The following CLIP1 variants were observed in gnomAD, a reference collection of about 807,000 sequenced individuals.
The protein encoded by CLIP1 is CAP-Gly domain-containing linker protein 1.
In CLIP1, 66 loss-of-function variants were observed where a neutral mutation model predicts 161.6. The ratio of observed to expected loss-of-function variants is 0.41; its 90% CI spans 0.33 to 0.50. CLIP1 has a LOEUF of 0.50. Ranked by LOEUF, CLIP1 falls within the 20% of genes least tolerant of loss-of-function variation. CLIP1 has a pLI of 0.27. For synonymous variants in CLIP1, 598 were observed against 626.2 expected (o/e 0.96, Z 0.67); for missense variants, 1,376 against 1,702.0 (o/e 0.81, Z 3.37).
Position 122,311,916 on chromosome 12 carries a change from C to T in CLIP1, c.3474-2034G>A, listed in dbSNP as rs2136530569. Among the ~76,000 whole-genome samples the T allele has an allele frequency of 6.6e-6, 1 of 152,288 alleles. No individual in the cohort carries two copies. Among genetic ancestry groups the T allele is most frequent in the East Asian group, 1.9e-4 (1 of 5,188 alleles). ...AACAGGAGCTACAGCTGGCAGATGACTTCAGTCGTGGTTCAGATATAGAGC... is the reference window on the plus strand; with the variant it reads ...AACAGGAGCTACAGCTGGCAGATGATTTCAGTCGTGGTTCAGATATAGAGC... On this transcript the variant is annotated intron_variant, in intron 19 of 25. Coordinates refer to ENST00000620786, the MANE Select transcript of CLIP1 (RefSeq NM_001247997.2). The surrounding 1 kb of genome is among the most constrained non-coding windows in gnomAD (Gnocchi z 4.3).
chr12:122,373,377 T>G (rs1954550404), intron 3 of CLIP1, among the ~76,000 whole-genome samples: 1 of 150,700 alleles, frequency 6.6e-6, no homozygotes, highest in African/African-American at 2.4e-5. Context: ...GAGCCAAGAT[T>G]GCGCCACTGC....
intron 5 of CLIP1, among the ~76,000 whole-genome samples, chr12:122,358,621 T>G (rs1020802406): frequency 2.0e-5 from 3 of 152,180 alleles, no homozygotes; most frequent in Middle Eastern, 3.4e-3. Context: ...AGTTTTCTCA[T>G]CTGTAAATTG....
In CLIP1 at chr12:122,379,289, C is replaced by T. The variant is rs1236953464; in HGVS notation, c.85+1079G>A. Reference sequence around the variant, plus strand: ...AGCCACTGCATTCCAGCCTTGATAACAGAACAATACAGCATCTCAAAAAAA... The same window carrying T: ...AGCCACTGCATTCCAGCCTTGATAATAGAACAATACAGCATCTCAAAAAAA... On this transcript the variant is annotated intron_variant, in intron 2 of 25. Transcript: ENST00000620786. Among the ~76,000 whole-genome samples, 6 of 145,102 alleles carry T rather than the reference C, an allele frequency of 4.1e-5. No individual in the cohort carries two copies. The East Asian group carries it at 1.3e-3, about 30-fold the overall frequency.
intron 11 of CLIP1, among the ~76,000 whole-genome samples, chr12:122,340,498 G>A (rs1280470951): frequency 6.6e-6 from 1 of 152,192 alleles, no homozygotes; most frequent in East Asian, 1.9e-4. Context: ...ATAGCCCAGA[G>A]ATAAATAGAT....
At chr12:122,384,536 C>A (rs1414383928) in intron 1 of CLIP1, among the ~76,000 whole-genome samples, 1 of 151,900 alleles carries the variant, frequency 6.6e-6, no homozygotes, top group African/African-American at 2.4e-5. Flanking sequence ...CTGAGGTGGG[C>A]GGATCACCTG....
At chr12:122,328,914 C>G (rs921075578) in intron 15 of CLIP1, among the ~76,000 whole-genome samples, 1 of 152,142 alleles carries the variant, frequency 6.6e-6, no homozygotes, top group Admixed American at 6.5e-5. Context: ...CCTAAATAAT[C>G]ATTTTACCAG....
chr12:122,401,399 C>T (rs1956137012), intron 1 of CLIP1, among the ~76,000 whole-genome samples: 1 of 152,146 alleles, frequency 6.6e-6, no homozygotes, highest in Non-Finnish European at 1.5e-5. Flanking sequence ...GGTCAATGGG[C>T]CGGGCACGGT....
intron 24 of CLIP1, chr12:122,275,635 C>A (rs1159329344): frequency 2.1e-5 from 2 of 97,070 alleles, no homozygotes; most frequent in African/African-American, 3.9e-5. Context: ...TACACACACA[C>A]ACACACGCGC....
intron 5 of CLIP1, among the ~76,000 whole-genome samples, chr12:122,357,170 C>A (rs1196015493): frequency 6.6e-6 from 1 of 151,584 alleles, no homozygotes; most frequent in Non-Finnish European, 1.5e-5. Context: ...TCTTCCCGGC[C>A]GCCGTCCCAT....
chr12:122,330,597 G>GTTTTTTTTTTTTTTTTTTTTTT lies in CLIP1; in HGVS notation c.2868-2172_2868-2171insAAAAAAAAAAAAAAAAAAAAAA, dbSNP rs71082966. On this transcript the variant is annotated intron_variant, in intron 15 of 25. Transcript: ENST00000620786. The stretch of plus-strand genomic sequence containing the variant: ...TTCAGCACTGAAGAAGTATAATGCA[G>GTTTTTTTTTTTTTTTTTTTTTT]TTTTTTTTTTTTTTTTTTTTGAGAT... 2.3e-4 allele frequency among the ~76,000 whole-genome samples: 23 copies of GTTTTTTTTTTTTTTTTTTTTTT among 101,378 alleles called. 1 individual carries two copies. Among genetic ancestry groups the GTTTTTTTTTTTTTTTTTTTTTT allele is most frequent in the African/African-American group, 8.8e-4 (20 of 22,778 alleles). The allele number at this position is 101,378 out of a possible 152,430, so 66.5% of individuals were successfully genotyped here. A position where few individuals can be genotyped will look rare whatever the true frequency, so the allele number is the denominator to read the frequency against.
chr12:122,316,662 C>G (rs1302334017), intron 19 of CLIP1, 87 bp downstream of exon 19: 26 of 844,378 alleles, frequency 3.1e-5, no homozygotes, highest in Non-Finnish European at 3.6e-6. Context: ...ATGTACTTCT[C>G]AAATAATTTT....
At chr12:122,276,405 C>A in intron 24 of CLIP1, 3 of 1,287,788 alleles carry the variant, frequency 2.3e-6, no homozygotes, top group Non-Finnish European at 3.0e-6. Flanking sequence ...CACACACACA[C>A]GTGTGCACGC....
At chr12:122,273,284 C>T (rs1055126326) in intron 25 of CLIP1, among the ~76,000 whole-genome samples, 184 bp from the exon 26 acceptor site, 2 of 152,190 alleles carry the variant, frequency 1.3e-5, no homozygotes, top group Admixed American at 6.5e-5. Context: ...GAGTCTCAGA[C>T]TCTCACCCAG....
At position 122,323,284 on chromosome 12, in the gene CLIP1, C is replaced by T. The variant is rs1951585139; in HGVS notation, c.3250-3936G>A. 6.6e-6 allele frequency: 1 copy of T among 152,512 alleles called. No individual in the cohort carries two copies. Among genetic ancestry groups the T allele is most frequent in the Non-Finnish European group, 1.5e-5 (1 of 68,034 alleles). 9.4% of individuals were successfully genotyped at this position (152,512 alleles called of 1,614,324 possible). On this transcript the variant is annotated intron_variant, in intron 17 of 25. Transcript: ENST00000620786. This position sits in a 1 kb window ranked among gnomAD's most constrained non-coding sequence, Gnocchi z 4.1. The stretch of plus-strand genomic sequence containing the variant: ...TCAGGCTCATCTCAGTATGGGCAGC[C>T]TCTTCTAAGCATTTGTGGAGTTTTT...
intron 1 of CLIP1, among the ~76,000 whole-genome samples, chr12:122,398,261 CAAAAAAAAAA>C (rs11324468): frequency 1.9e-5 from 2 of 103,296 alleles, no homozygotes; most frequent in African/African-American, 7.4e-5. Context: ...ACTGAAAATA[CAAAAAAAAAA>C]AAAAAAAATT....
At chr12:122,335,700 A>G (rs1486269837) in intron 12 of CLIP1, among the ~76,000 whole-genome samples, 1 of 151,842 alleles carries the variant, frequency 6.6e-6, no homozygotes, top group Non-Finnish European at 1.5e-5. Flanking sequence ...CCAGCTACTC[A>G]AGAGGCTGAG....
intron 20 of CLIP1, among the ~76,000 whole-genome samples, chr12:122,292,523 C>T (rs1261708576): frequency 6.6e-6 from 1 of 152,156 alleles, no homozygotes; most frequent in Non-Finnish European, 1.5e-5. Context: ...ACCTTATACT[C>T]TTTCCGTCCC....
chr12:122,360,072 GAGA>G (rs909392646), intron 5 of CLIP1, among the ~76,000 whole-genome samples: 2 of 152,210 alleles, frequency 1.3e-5, no homozygotes, highest in South Asian at 2.1e-4. Context: ...AAGGGACCAG[GAGA>G]AGAAGAGGAA....
chr12:122,403,282 T>C (rs1956200603), intron 1 of CLIP1, among the ~76,000 whole-genome samples: 1 of 152,072 alleles, frequency 6.6e-6, no homozygotes, highest in African/African-American at 2.4e-5. Context: ...ACATAATGTA[T>C]AAGGAAGCTC....
Sources: allele counts gnomAD v4.1 joint callset (sites outside exome capture counted in the v4.1 genomes callset), GRCh38; gene constraint gnomAD v4.1.1; non-coding constraint Gnocchi (gnomAD v3.1); transcripts MANE v1.5; gene names NCBI Gene and HGNC (gene_info 2026-07-23, HGNC 2026-07-21).